The following SLC25A36 variants were observed in gnomAD, a reference collection of about 807,000 sequenced individuals.
SLC25A36 encodes epididymis secretory sperm binding protein.
In SLC25A36, 24 loss-of-function variants were observed where a neutral mutation model predicts 35.3. The ratio of observed to expected loss-of-function variants is 0.68; its 90% CI spans 0.49 to 0.96. SLC25A36 has a LOEUF of 0.96. Among genes scored for constraint, SLC25A36 ranks in the 40% least tolerant of loss-of-function variants. The pLI is 0.00. For synonymous variants in SLC25A36, 141 were observed against 132.2 expected, an observed-to-expected ratio of 1.07 and a Z score of -0.46; for missense variants, 294 against 381.1, an observed-to-expected ratio of 0.77 and a Z score of 1.90.
At chr3:140,959,007 T>TTTTC (rs1934559390) in intron 2 of SLC25A36, among the ~76,000 whole-genome samples, 2 of 139,100 alleles carry the variant, frequency 1.4e-5, no homozygotes, top group Non-Finnish European at 3.1e-5. Flanking sequence ...TGTGTGTGTG[T>TTTTC]GTTTTCTTTT....
At chr3:140,959,110 A>G (rs1018940948) in intron 2 of SLC25A36, among the ~76,000 whole-genome samples, 6 of 150,774 alleles carry the variant, frequency 4.0e-5, no homozygotes, top group Non-Finnish European at 7.4e-5. Context: ...CCGCCTTCCA[A>G]ATTCAAGCGA....
intron 4 of SLC25A36, chr3:140,968,594 A>T: frequency 1.1e-6 from 1 of 931,634 alleles, no homozygotes; most frequent in Non-Finnish European, 1.3e-6. Flanking sequence ...ATTATAATTT[A>T]TGGGTCTTTA....
chr3:140,951,992 C>T (rs1051788968), intron 1 of SLC25A36, among the ~76,000 whole-genome samples: 8 of 151,086 alleles, frequency 5.3e-5, no homozygotes, highest in African/African-American at 1.9e-4. Context: ...TGCCACTGCA[C>T]CTGGCTGTTT....
chr3:140,964,453 G>T (rs1379870885), intron 4 of SLC25A36: 1 of 151,840 alleles, frequency 6.6e-6, no homozygotes, highest in Non-Finnish European at 1.5e-5. Context: ...GGTCTACATA[G>T]ATTTGGATTT....
At chr3:140,958,960 T>TTGTGTGTGTGTG (rs377492880) in intron 2 of SLC25A36, among the ~76,000 whole-genome samples, 5 of 112,634 alleles carry the variant, frequency 4.4e-5, no homozygotes, top group South Asian at 3.1e-4. Context: ...AAACAATGTT[T>TTGTGTGTGTGTG]TGTGTGTGTG....
rs1156239398 is a variant in SLC25A36, at chr3:140,980,687, TC to T, written c.*4239del. Among the ~76,000 whole-genome samples, 30 of 92,874 alleles carry T rather than the reference TC, an allele frequency of 3.2e-4. No individual in the cohort carries two copies. Among genetic ancestry groups the T allele is most frequent in the Non-Finnish European group, 5.4e-4 (28 of 52,074 alleles). 60.9% of individuals were successfully genotyped at this position (92,874 alleles called of 152,430 possible). A position where few individuals can be genotyped will look rare whatever the true frequency, so the allele number is the denominator to read the frequency against. ...AGGCAAGCAAAATGTAATTAAATGT[TC>T]CCCCTGCCCCCCCCCCCTTTTAATA... is the stretch of plus-strand genomic sequence containing the variant. On this transcript the variant is annotated 3_prime_UTR_variant, in exon 7 of 7. Transcript: ENST00000324194.
intron 3 of SLC25A36, among the ~76,000 whole-genome samples, chr3:140,960,043 A>G (rs1223930394): frequency 6.6e-6 from 1 of 152,148 alleles, no homozygotes; most frequent in Non-Finnish European, 1.5e-5. Flanking sequence ...TGAATATATT[A>G]TATATCTTTA....
intron 1 of SLC25A36, among the ~76,000 whole-genome samples, chr3:140,945,681 G>C (rs1378902695): frequency 6.6e-6 from 1 of 151,214 alleles, no homozygotes; most frequent in Non-Finnish European, 1.5e-5. Flanking sequence ...GCCTTAGCAT[G>C]CATGAAGGCA....
intron 1 of SLC25A36, among the ~76,000 whole-genome samples, chr3:140,946,298 C>G (rs1324840648): frequency 6.6e-6 from 1 of 152,142 alleles, no homozygotes; most frequent in Non-Finnish European, 1.5e-5. Context: ...AGAGAATTAG[C>G]TATACAAAAG....
chr3:140,962,439 A>G (rs1934654019), intron 3 of SLC25A36, among the ~76,000 whole-genome samples: 1 of 152,190 alleles, frequency 6.6e-6, no homozygotes. Flanking sequence ...AATGAGGGAA[A>G]TAATTAAATT....
intron 1 of SLC25A36, among the ~76,000 whole-genome samples, chr3:140,954,899 A>G (rs1332745501): frequency 6.6e-6 from 1 of 152,122 alleles, no homozygotes; most frequent in African/African-American, 2.4e-5. Flanking sequence ...ATGTCCATAT[A>G]AGAAGTCTGT....
intron 3 of SLC25A36, among the ~76,000 whole-genome samples, chr3:140,961,364 T>A (rs991487923): frequency 2.0e-5 from 3 of 152,214 alleles, no homozygotes; most frequent in South Asian, 2.1e-4. Context: ...GTGATTTTTT[T>A]AAAATTGTAT....
rs746328750 is a variant in SLC25A36, at chr3:140,963,185, C to T, written c.343C>T (p.Pro115Ser). ...GGAAAAGTTGAATGATGTATTTGAT[C>T]CTGATTCTACCCAAGTACATATGAT... ...CKEKLNDVFD[P>S]DSTQVHMISA... The change falls in exon 4 of 7, where the codon CCT becomes TCT. Residue 115 changes from proline (P) to serine (S), a missense_variant. Pro to Ser is a moderately conservative substitution (Grantham distance 74). Around this residue, in one of 2 missense-constraint regions of SLC25A36, gnomAD observed 185 missense variants for 201.5 expected, o/e 0.92. Transcript: ENST00000324194. 1.3e-6 allele frequency: 2 copies of T among 1,596,036 alleles called. No homozygotes were observed. The highest frequency in any genetic ancestry group is 1.7e-6 in the Non-Finnish European group (2 of 1,175,436).
At chr3:140,951,747 G>A (rs1168198423) in intron 1 of SLC25A36, among the ~76,000 whole-genome samples, 1 of 151,724 alleles carries the variant, frequency 6.6e-6, no homozygotes, top group African/African-American at 2.4e-5. Flanking sequence ...CGGCTTCCTC[G>A]GTCTCCCAAA....
chr3:140,956,486 T>C, intron 1 of SLC25A36, 41 bp from the exon 2 acceptor site: 1 of 1,513,188 alleles, frequency 6.6e-7, no homozygotes, highest in Non-Finnish European at 8.8e-7. Flanking sequence ...AACTTATGAA[T>C]TAAGTAGATA....
chr3:140,976,181 A>G, intron 6 of SLC25A36, 79 bp from the exon 7 acceptor site: 7 of 955,622 alleles, frequency 7.3e-6, no homozygotes, highest in Non-Finnish European at 1.1e-5. Flanking sequence ...TTACAGACTG[A>G]TAAATGGGAT....
In SLC25A36 at chr3:140,977,391, T is replaced by G. The variant is rs567570453; in HGVS notation, c.*938T>G. 1 of 152,332 alleles carries G rather than the reference T, an allele frequency of 6.6e-6. No individual in the cohort carries two copies. Among genetic ancestry groups the G allele is most frequent in the East Asian group, 1.9e-4 (1 of 5,192 alleles). 9.4% of individuals were successfully genotyped at this position (152,332 alleles called of 1,614,324 possible). A position where few individuals can be genotyped will look rare whatever the true frequency, so the allele number is the denominator to read the frequency against. On this transcript the variant is annotated 3_prime_UTR_variant, in exon 7 of 7. Coordinates refer to ENST00000324194, the MANE Select transcript of SLC25A36 (RefSeq NM_001104647.3). The stretch of plus-strand genomic sequence containing the variant: ...CAGGTCTATATATAATAGATTACAT[T>G]TATTTTGTAAAGAAAATAGTAATTT...
rs200222264 is a variant in SLC25A36, at chr3:140,972,373, G to GTTT, written c.453-1343_453-1342insTTT. 8.2e-3 allele frequency among the ~76,000 whole-genome samples: 1,242 copies of GTTT among 152,192 alleles called. 14 individuals carry two copies. The highest frequency in any genetic ancestry group is 0.02 in the African/African-American group (851 of 41,536). On this transcript the variant is annotated intron_variant, in intron 5 of 6. Transcript: ENST00000324194. The stretch of plus-strand genomic sequence containing the variant: ...TGACTTGAGGATTCTGGTTTATAAG[G>GTTT]CTGAGGGCTGAGCGCAGTGGATCAT...
intron 4 of SLC25A36, among the ~76,000 whole-genome samples, chr3:140,967,733 A>C (rs564287883): frequency 6.9e-4 from 105 of 152,052 alleles, no homozygotes; most frequent in Non-Finnish European, 1.0e-4. Flanking sequence ...ATAAAGCAAA[A>C]CTTTTAAAGT....
Sources: gnomAD v4.1 joint callset for allele counts (sites outside exome capture counted in the v4.1 genomes callset) on GRCh38, gnomAD v4.1.1 for gene constraint, gnomAD v4.1.1 regional missense constraint, MANE v1.5 for transcripts, NCBI Gene and HGNC (gene_info 2026-07-23, HGNC 2026-07-21) for gene names.